MESD: variants seen among roughly 807,000 people sequenced by gnomAD.
MESD encodes LRP chaperone MESD.
Under a neutral mutation model 12.9 loss-of-function variants are expected in MESD, and 7 were observed. The ratio of observed to expected loss-of-function variants is 0.54; its 90% CI spans 0.31 to 1.02. MESD has a LOEUF of 1.02. MESD is among the 50% of genes least tolerant of loss of function. MESD has a pLI of 0.05. For missense variants in MESD, 342 were observed against 296.7 expected (o/e 1.15, Z -1.12); for synonymous variants, 126 against 115.6 (o/e 1.09, Z -0.58).
At chr15:80,973,892 C>T (rs972140271), downstream of MESD, among the ~76,000 whole-genome samples, 1 of 152,152 alleles carries the variant, frequency 6.6e-6, no homozygotes, top group East Asian at 1.9e-4. Flanking sequence ...TGCCCAAAGC[C>T]ACATATTGCA....
intron 4 of MESD, chr15:80,951,918 T>C (rs904075949): frequency 8.2e-6 from 2 of 242,760 alleles, no homozygotes; most frequent in Non-Finnish European, 1.7e-5. Context: ...CTTACTTCCA[T>C]GGCCTTATTC....
chr15:80,952,760 G>A (rs1429466369), intron 3 of MESD, among the ~76,000 whole-genome samples: 1 of 152,102 alleles, frequency 6.6e-6, no homozygotes, highest in Non-Finnish European at 1.5e-5. Context: ...ACTAGCTTTG[G>A]GCATAAAGTC....
intron 4 of MESD, chr15:80,950,866 C>T (rs1901789322): frequency 6.5e-6 from 1 of 152,802 alleles, no homozygotes; most frequent in South Asian, 2.1e-4. Flanking sequence ...CCTGCCCCAA[C>T]CACAAACTCT....
At chr15:80,953,083 A>G (rs1294573999) in intron 3 of MESD, 2 of 456,120 alleles carry the variant, frequency 4.4e-6, no homozygotes, top group Non-Finnish European at 4.4e-6. Flanking sequence ...TAAGAGGCAG[A>G]GTCTGACAGA....
At chr15:80,981,753 G>A (rs1311121023) in intron 2 of MESD, among the ~76,000 whole-genome samples, 197 bp downstream of exon 2, 1 of 152,128 alleles carries the variant, frequency 6.6e-6, no homozygotes, top group African/African-American at 2.4e-5. Context: ...TACTCGGGAG[G>A]CTGAGGCAGG....
Position 80,979,207 on chromosome 15 carries a change from A to C in MESD, c.*12T>G, listed in dbSNP as rs772114599. 2 of 1,610,322 alleles carry C rather than the reference A, an allele frequency of 1.2e-6. No individual in the cohort carries two copies. The highest frequency in any genetic ancestry group is 2.7e-5 in the African/African-American group (2 of 74,672). On this transcript the variant is annotated 3_prime_UTR_variant, in exon 3 of 3. Coordinates refer to ENST00000261758, the MANE Select transcript of MESD (RefSeq NM_015154.3). ...TCCACCTGTCCCCCCACAGCGCGTCACTGCTGCCCCATCACAGGTCTTCTC... is the reference window on the plus strand; with the variant it reads ...TCCACCTGTCCCCCCACAGCGCGTCCCTGCTGCCCCATCACAGGTCTTCTC...
At chr15:80,982,331 T>C (rs1258303352) in intron 1 of MESD, 149 bp from the exon 2 acceptor site, 16 of 653,754 alleles carry the variant, frequency 2.4e-5, no homozygotes, top group Non-Finnish European at 3.9e-5. Flanking sequence ...TTCCTCTTCT[T>C]AACTTTCAAG....
In MESD at chr15:80,981,046, G is replaced by C. The variant is rs1567125898; in HGVS notation, c.446+904C>G. On this transcript the variant is annotated intron_variant, in intron 2 of 2. Transcript: ENST00000261758. ...TCCCCACGTTGGCCAGGATGATCTT[G>C]ATCTCCTGACTTCGTGATCCGCCCA... 2.0e-5 allele frequency among the ~76,000 whole-genome samples: 3 copies of C among 151,740 alleles called. No individual in the cohort carries two copies. The South Asian group carries it at 6.3e-4, about 32-fold the overall frequency.
At position 80,977,825 on chromosome 15, in the gene MESD, GGGCCTAGTACCCTAGTAC is replaced by G; in HGVS notation, c.*1376_*1393del. On this transcript the variant is annotated 3_prime_UTR_variant, in exon 3 of 3. Coordinates refer to ENST00000261758, the MANE Select transcript of MESD (RefSeq NM_015154.3). ...GGAGGAACAAGAAAAGCCTCTTTCA[GGGCCTAGTACCCTAGTAC>G]GGTAGATCACACAGGCCTCACCCTG... 6.6e-6 allele frequency: 1 copy of G among 152,378 alleles called. No individual in the cohort carries two copies. The highest frequency in any genetic ancestry group is 2.1e-4 in the South Asian group (1 of 4,824). 9.4% of individuals were successfully genotyped at this position (152,378 alleles called of 1,614,324 possible).
chr15:80,981,589 C>T (rs950280031), intron 2 of MESD, among the ~76,000 whole-genome samples: 1 of 152,154 alleles, frequency 6.6e-6, no homozygotes, highest in Admixed American at 6.5e-5. Flanking sequence ...GGTGTGGTGG[C>T]TCACGCCTGT....
rs947450008 is a variant in MESD at position 80,976,392 on chromosome 15, G to C, written c.*2827C>G. The C allele has an allele frequency of 6.6e-6, 1 of 152,290 alleles. No individual in the cohort carries two copies. The highest frequency in any genetic ancestry group is 2.4e-5 in the African/African-American group (1 of 41,462). The allele number at this position is 152,290 out of a possible 1,614,324, so 9.4% of individuals were successfully genotyped here. A position where few individuals can be genotyped will look rare whatever the true frequency, so the allele number is the denominator to read the frequency against. The stretch of plus-strand genomic sequence containing the variant: ...GTCAACTAGGATTGCTTGAAGGCTG[G>C]GGCTGGAAATGTTTAAATCTTATCC... On this transcript the variant is annotated 3_prime_UTR_variant, in exon 3 of 3. Coordinates refer to ENST00000261758, the MANE Select transcript of MESD (RefSeq NM_015154.3).
At position 80,989,676 on chromosome 15, in the gene MESD, C is replaced by G; in HGVS notation, c.116G>C (p.Gly39Ala). ...PGSCAAEGSP[G>A]TPDESTPPPR... Reference sequence around the variant, plus strand: ...AGGTGGGGTAGACTCGTCGGGCGTCCCGGGCGAGCCTTCGGCCGCGCAGGA... The same window carrying G: ...AGGTGGGGTAGACTCGTCGGGCGTCGCGGGCGAGCCTTCGGCCGCGCAGGA... Residue 39 changes from glycine (G) to alanine (A), a missense_variant, in exon 1 of 3, where the codon GGG becomes GCG. Physicochemically the swap from Gly to Ala is moderately conservative, Grantham distance 60. Coordinates refer to ENST00000261758, the MANE Select transcript of MESD (RefSeq NM_015154.3). 1 of 1,613,330 alleles carries G rather than the reference C, an allele frequency of 6.2e-7. No individual in the cohort carries two copies. Among genetic ancestry groups the G allele is most frequent in the Non-Finnish European group, 8.5e-7 (1 of 1,179,986 alleles).
rs1902483210 is a variant in MESD, at chr15:80,978,581, A to T, written c.*638T>A. ...AACAGAACCCCTAACTTTACAGACC[A>T]CATAAAACCTGACAGACACCAAGAG... On this transcript the variant is annotated 3_prime_UTR_variant, in exon 3 of 3. Transcript: ENST00000261758. The T allele has an allele frequency of 6.6e-6, 1 of 152,280 alleles. No homozygotes were observed. The highest frequency in any genetic ancestry group is 1.5e-5 in the Non-Finnish European group (1 of 68,108). The allele number at this position is 152,280 out of a possible 1,614,324, so 9.4% of individuals were successfully genotyped here.
At chr15:80,955,130 C>G (rs1406700534) in intron 3 of MESD, among the ~76,000 whole-genome samples, 1 of 148,238 alleles carries the variant, frequency 6.7e-6, no homozygotes, top group East Asian at 2.0e-4. Flanking sequence ...GACCTTGTCT[C>G]TACTAGAAAA....
At chr15:80,985,094 C>T (rs1902693363) in intron 1 of MESD, among the ~76,000 whole-genome samples, 1 of 152,198 alleles carries the variant, frequency 6.6e-6, no homozygotes, top group African/African-American at 2.4e-5. Context: ...ACACACTAAC[C>T]TTCTTTTCCA....
In MESD at chr15:80,954,133, G is replaced by A. The variant is rs374800192; in HGVS notation, c.*289-1837C>T. Among the ~76,000 whole-genome samples the A allele has an allele frequency of 9.2e-5, 14 of 152,100 alleles. No homozygotes were observed. In the South Asian group the frequency reaches 1.0e-3, roughly 11 times the overall value. ...CCCACGCCTACTCATGTTCCAGGGC[G>A]TAGCTCCACACAAAGCCTTCTCTGA... On this transcript the variant is annotated intron_variant, in intron 3 of 4. Transcript: ENST00000561312.
chr15:80,980,862 C>T (rs956995286), intron 2 of MESD, among the ~76,000 whole-genome samples: 3 of 151,282 alleles, frequency 2.0e-5, no homozygotes, highest in South Asian at 2.1e-4. Flanking sequence ...TCTTGCTCTG[C>T]CGCCAGGCTG....
chr15:80,961,054 T>C (rs528684775), intron 3 of MESD, among the ~76,000 whole-genome samples: 2 of 152,272 alleles, frequency 1.3e-5, no homozygotes, highest in South Asian at 2.1e-4. Flanking sequence ...GTCCCAGTAA[T>C]TGCCCTCTCT....
At chr15:80,952,888 G>A (rs1051578948) in intron 3 of MESD, 5 of 447,934 alleles carry the variant, frequency 1.1e-5, no homozygotes, top group South Asian at 4.7e-5. Flanking sequence ...TGCCAGGCAC[G>A]GTGCACACAG....
Sources: allele counts gnomAD v4.1 joint callset (sites outside exome capture counted in the v4.1 genomes callset), GRCh38; gene constraint gnomAD v4.1.1; transcripts MANE v1.5; gene names NCBI Gene and HGNC (gene_info 2026-07-23, HGNC 2026-07-21).